The following FER variants were observed in gnomAD, a reference collection of about 807,000 sequenced individuals.
FER encodes the protein tyrosine-protein kinase Fer.
Under a neutral mutation model 111.0 loss-of-function variants are expected in FER, and 63 were observed. That is an observed-to-expected ratio of 0.57 (90% CI 0.46 to 0.70). The LOEUF (loss-of-function observed/expected upper bound fraction) is 0.70. Among genes scored for constraint, FER ranks in the 30% least tolerant of loss-of-function variants. FER has a pLI of 0.00. For missense variants in FER, 914 were observed against 954.0 expected (o/e 0.96, Z 0.55); for synonymous variants, 327 against 313.9 (o/e 1.04, Z -0.44).
At chr5:109,128,777 T>C (rs1321450420) in intron 17 of FER, among the ~76,000 whole-genome samples, 1 of 152,134 alleles carries the variant, frequency 6.6e-6, no homozygotes, top group Non-Finnish European at 1.5e-5. Flanking sequence ...AGCATACATT[T>C]AATATATTTT....
At chr5:109,181,581 T>C (rs7715602) in intron 18 of FER, among the ~76,000 whole-genome samples, 19,767 of 152,158 alleles carry the variant, frequency 0.13, 1,416 homozygotes, top group Middle Eastern at 0.19. Flanking sequence ...GGAAGCAGCA[T>C]ATGAGCCATG....
At chr5:109,121,575 C>T (rs73215514) in intron 17 of FER, among the ~76,000 whole-genome samples, 7,929 of 151,846 alleles carry the variant, frequency 0.052, 484 homozygotes, top group African/African-American at 0.14. Context: ...TGTCTTTATC[C>T]GGTTTTAGTA....
intron 10 of FER, among the ~76,000 whole-genome samples, chr5:108,903,396 G>C (rs1323204510): frequency 6.6e-6 from 1 of 152,216 alleles, no homozygotes; most frequent in Non-Finnish European, 1.5e-5. Flanking sequence ...CAGGCCTGGT[G>C]GTTTGCGCCT....
At chr5:108,863,915 CT>C (rs1297754541) in intron 5 of FER, among the ~76,000 whole-genome samples, 2 of 151,920 alleles carry the variant, frequency 1.3e-5, no homozygotes, top group Non-Finnish European at 2.9e-5. Context: ...TTTTTTCTTT[CT>C]TTCTGATTTT....
Position 109,140,885 on chromosome 5 carries a change from G to A in FER, c.2049-39862G>A, listed in dbSNP as rs192892148. Among the ~76,000 whole-genome samples the A allele has an allele frequency of 1.2e-3, 187 of 152,262 alleles. 1 individual carries two copies. The highest frequency in any genetic ancestry group is 1.3e-3 in the Non-Finnish European group (90 of 68,000). On this transcript the variant is annotated intron_variant, in intron 17 of 19. Coordinates refer to ENST00000281092, the MANE Select transcript of FER (RefSeq NM_005246.4). The stretch of plus-strand genomic sequence containing the variant: ...AGTTGCAAGAACAGTCCCCTCATAA[G>A]TCATTATTGCCCCCAATATACAAAG...
At position 109,115,043 on chromosome 5, in the gene FER, T is replaced by C. The variant is rs565580530; in HGVS notation, c.2048+14524T>C. Among the ~76,000 whole-genome samples the C allele has an allele frequency of 1.6e-4, 24 of 152,260 alleles. No individual in the cohort carries two copies. In the South Asian group the frequency reaches 4.4e-3, roughly 28 times the overall value. ...GGTTCTTAATGGAGAAGCCAGTAGA[T>C]ATTTTGTTGCTAATAATGAATTTAT... On this transcript the variant is annotated intron_variant, in intron 17 of 19. Transcript: ENST00000281092.
At chr5:109,153,837 A>G (rs1003001018) in intron 17 of FER, among the ~76,000 whole-genome samples, 3 of 151,818 alleles carry the variant, frequency 2.0e-5, no homozygotes, top group African/African-American at 7.2e-5. Context: ...ACCGTCTCTC[A>G]TATTGGGAAA....
At chr5:108,929,902 G>T (rs372857564) in intron 10 of FER, among the ~76,000 whole-genome samples, 1 of 152,114 alleles carries the variant, frequency 6.6e-6, no homozygotes, top group African/African-American at 2.4e-5. Context: ...TACATAATTT[G>T]GTTTTTGAAG....
intron 5 of FER, 23 bp downstream of exon 5, chr5:108,835,830 G>T: frequency 7.6e-7 from 1 of 1,319,786 alleles, no homozygotes; most frequent in Non-Finnish European, 1.0e-6. Flanking sequence ...TTTAAAAATT[G>T]TTTACTTAGG....
intron 11 of FER, 136 bp downstream of exon 11, chr5:108,946,358 G>T: frequency 1.9e-6 from 1 of 527,466 alleles, no homozygotes. Context: ...ACTTACAAAT[G>T]GAAAGATAAG....
chr5:109,009,603 T>A (rs934015632), intron 13 of FER, among the ~76,000 whole-genome samples: 9 of 152,218 alleles, frequency 5.9e-5, no homozygotes, highest in Admixed American at 5.2e-4. Flanking sequence ...ACCTTCTCCC[T>A]TTGCGTTTTG....
intron 9 of FER, among the ~76,000 whole-genome samples, chr5:108,892,888 C>G (rs985501867): frequency 2.6e-5 from 4 of 152,266 alleles, no homozygotes; most frequent in Admixed American, 2.6e-4. Flanking sequence ...CTACATATGG[C>G]TAGCCAGTTT....
At chr5:109,030,164 TTC>T (rs1769396950) in intron 13 of FER, among the ~76,000 whole-genome samples, 1 of 152,204 alleles carries the variant, frequency 6.6e-6, no homozygotes, top group South Asian at 2.1e-4. Flanking sequence ...TTTTATTTGG[TTC>T]TTTTTTTAAT....
At chr5:108,966,580 G>T (rs1255996757) in intron 13 of FER, among the ~76,000 whole-genome samples, 10 of 151,808 alleles carry the variant, frequency 6.6e-5, no homozygotes, top group Admixed American at 1.3e-4. Flanking sequence ...TAGAGACGGG[G>T]TTTCATCATG....
intron 10 of FER, among the ~76,000 whole-genome samples, chr5:108,918,963 TGTTA>T (rs1219171364): frequency 2.0e-5 from 3 of 152,228 alleles, no homozygotes; most frequent in Admixed American, 6.5e-5. Context: ...TAGTAGGATT[TGTTA>T]GTTAATTCAT....
intron 17 of FER, among the ~76,000 whole-genome samples, chr5:109,176,437 A>C (rs916691844): frequency 6.6e-6 from 1 of 152,216 alleles, no homozygotes; most frequent in African/African-American, 2.4e-5. Context: ...AATCGAGCTC[A>C]TGAAGGAAGA....
intron 1 of FER, among the ~76,000 whole-genome samples, chr5:108,758,681 T>C (rs1005951481): frequency 6.6e-6 from 1 of 152,146 alleles, no homozygotes; most frequent in African/African-American, 2.4e-5. Flanking sequence ...AGGGATGATA[T>C]ATGATGATAG....
intron 18 of FER, among the ~76,000 whole-genome samples, chr5:109,181,461 T>G (rs1046922259): frequency 1.3e-5 from 2 of 152,120 alleles, no homozygotes; most frequent in Non-Finnish European, 2.9e-5. Context: ...TAACTTGCAT[T>G]ATCTGTGGTT....
At chr5:109,143,641 T>C (rs1451590487) in intron 17 of FER, among the ~76,000 whole-genome samples, 2 of 152,044 alleles carry the variant, frequency 1.3e-5, no homozygotes, top group African/African-American at 4.8e-5. Context: ...AAAACAGATA[T>C]AACTATCAGA....
Sources: gnomAD v4.1 joint callset for allele counts (sites outside exome capture counted in the v4.1 genomes callset) on GRCh38, gnomAD v4.1.1 for gene constraint, MANE v1.5 for transcripts, NCBI Gene and HGNC (gene_info 2026-07-23, HGNC 2026-07-21) for gene names.